MARK3: variants seen among roughly 807,000 people sequenced by gnomAD.
MARK3 encodes microtubule affinity regulating kinase 3.
A neutral mutation model predicts 90.1 loss-of-function variants in MARK3; 46 were observed. The ratio of observed to expected loss-of-function variants is 0.51; its 90% CI spans 0.40 to 0.65. The LOEUF (loss-of-function observed/expected upper bound fraction) is 0.65, where lower values mean the gene tolerates loss of function less well. Ranked by LOEUF, MARK3 falls within the 30% of genes least tolerant of loss-of-function variation. MARK3 has a pLI of 0.00. For missense variants in MARK3, 818 were observed against 947.2 expected, an observed-to-expected ratio of 0.86 and a Z score of 1.79; for synonymous variants, 321 against 332.6, an observed-to-expected ratio of 0.97 and a Z score of 0.38.
intron 13 of MARK3, among the ~76,000 whole-genome samples, chr14:103,478,549 T>C (rs1313183053): frequency 1.4e-5 from 2 of 142,274 alleles, no homozygotes; most frequent in Non-Finnish European, 3.1e-5. Flanking sequence ...TTCTTTTCCC[T>C]TTTTTTTTTT....
rs1424161298 is a variant in MARK3 at position 103,426,893 on chromosome 14, A to T, written c.244-1494A>T. 6.2e-3 allele frequency among the ~76,000 whole-genome samples: 5 copies of T among 808 alleles called. No homozygotes were observed. In the East Asian group the frequency reaches 0.4, roughly 65 times the overall value. The allele number at this position is 808 out of a possible 152,430, so 0.5% of individuals were successfully genotyped here. A position where few individuals can be genotyped will look rare whatever the true frequency, so the allele number is the denominator to read the frequency against. ...ACTGCCCAAAGGGCTTTTCTATTTA[A>T]AAAAAAAAAAAAAAAATTTTTAAAG... On this transcript the variant is annotated intron_variant, in intron 2 of 17. Transcript: ENST00000429436.
intron 3 of MARK3, among the ~76,000 whole-genome samples, chr14:103,445,392 A>G (rs1005006218): frequency 1.3e-5 from 2 of 152,210 alleles, no homozygotes; most frequent in Middle Eastern, 3.2e-3. Flanking sequence ...AACTTAGCAT[A>G]AAGCTTATTT....
Position 103,413,029 on chromosome 14 carries a change from C to T in MARK3, c.243+7762C>T, listed in dbSNP as rs1240954722. Among the ~76,000 whole-genome samples, 91 of 151,950 alleles carry T rather than the reference C, an allele frequency of 6.0e-4. 1 individual carries two copies. Among genetic ancestry groups the T allele is most frequent in the Admixed American group, 6.0e-3 (91 of 15,258 alleles). On this transcript the variant is annotated intron_variant, in intron 2 of 17. Transcript: ENST00000429436. ...AGCTGGGATTACAGGCATGCACCAC[C>T]ATGCCCGGCTAATTTTTGTATTTTT...
intron 2 of MARK3, among the ~76,000 whole-genome samples, chr14:103,411,951 C>CTT (rs56292310): frequency 0.27 from 38,433 of 143,002 alleles, 6,097 homozygotes; most frequent in Non-Finnish European, 0.34. Context: ...ATTTTCATAG[C>CTT]TTTTTTTTTT....
chr14:103,409,984 A>G (rs986728037), intron 2 of MARK3, among the ~76,000 whole-genome samples: 4 of 152,224 alleles, frequency 2.6e-5, no homozygotes, highest in Admixed American at 6.5e-5. Flanking sequence ...TTGACATTGT[A>G]ATAGATACTA....
intron 5 of MARK3, among the ~76,000 whole-genome samples, chr14:103,452,954 T>C (rs2093189367): frequency 6.6e-6 from 1 of 152,242 alleles, no homozygotes; most frequent in Non-Finnish European, 1.5e-5. Context: ...ATATGAATGC[T>C]TAGTCTGTTT....
chr14:103,463,578 T>C (rs1353129410), intron 7 of MARK3, among the ~76,000 whole-genome samples: 2 of 152,212 alleles, frequency 1.3e-5, no homozygotes, highest in Admixed American at 1.3e-4. Flanking sequence ...CACCAGGTCC[T>C]TTTGCTGCTG....
Position 103,465,662 on chromosome 14 carries a change from C to G in MARK3, c.646C>G (p.Pro216Ala), listed in dbSNP as rs543788501. 1.9e-6 allele frequency: 3 copies of G among 1,614,012 alleles called. No homozygotes were observed. The Admixed American group carries it at 5.0e-5, about 27-fold the overall frequency. Residue 216 changes from proline to alanine, a missense_variant, in exon 8 of 18, where the codon CCT becomes GCT. Pro to Ala is a conservative substitution (Grantham distance 27). Around this residue, in one of 3 missense-constraint regions of MARK3, gnomAD observed 101 missense variants for 175.1 expected, o/e 0.58. Transcript: ENST00000429436. Reference protein sequence around the residue: ...GGKLDTFCGSPPYAAPELFQG... With the variant: ...GGKLDTFCGSAPYAAPELFQG... ...TAAACTCGACACGTTTTGTGGCAGTCCTCCATACGCAGCACCTGAGCTCTT... is the reference window on the plus strand; with the variant it reads ...TAAACTCGACACGTTTTGTGGCAGTGCTCCATACGCAGCACCTGAGCTCTT...
chr14:103,402,345 G>A (rs542011966), intron 1 of MARK3, among the ~76,000 whole-genome samples: 2 of 152,164 alleles, frequency 1.3e-5, no homozygotes, highest in African/African-American at 4.8e-5. Context: ...TTAAGGTCAG[G>A]AGTTCGAGAC....
chr14:103,386,572 AC>A (rs2140408002), intron 1 of MARK3, among the ~76,000 whole-genome samples: 1 of 152,314 alleles, frequency 6.6e-6, no homozygotes, highest in African/African-American at 2.4e-5. Flanking sequence ...AAATTTAATC[AC>A]AGTCACTAAG....
intron 3 of MARK3, among the ~76,000 whole-genome samples, chr14:103,433,837 C>G (rs74084549): frequency 1.9e-3 from 283 of 152,258 alleles, no homozygotes; most frequent in African/African-American, 6.6e-3. Flanking sequence ...AACCTGGTTT[C>G]CTGGGGCCTA....
At chr14:103,448,319 A>G (rs1218097904) in intron 3 of MARK3, among the ~76,000 whole-genome samples, 1 of 152,164 alleles carries the variant, frequency 6.6e-6, no homozygotes, top group African/African-American at 2.4e-5. Context: ...TTACATGGCC[A>G]GGTCTAATGT....
At chr14:103,467,567 T>G (rs2093532857) in intron 11 of MARK3, 1 of 156,236 alleles carries the variant, frequency 6.4e-6, no homozygotes, top group Non-Finnish European at 1.4e-5. Flanking sequence ...CCCTGCTCCT[T>G]GGGAGGCTGA....
At chr14:103,445,847 C>T (rs2092981060) in intron 3 of MARK3, among the ~76,000 whole-genome samples, 1 of 152,180 alleles carries the variant, frequency 6.6e-6, no homozygotes, top group African/African-American at 2.4e-5. Context: ...CCCCTGTCAT[C>T]AGAACTGTGA....
At chr14:103,414,644 T>C (rs1326123608) in intron 2 of MARK3, among the ~76,000 whole-genome samples, 1 of 152,218 alleles carries the variant, frequency 6.6e-6, no homozygotes, top group African/African-American at 2.4e-5. Context: ...GTGGCATTGA[T>C]GATTTGGGGA....
At chr14:103,430,551 G>A (rs956936538) in intron 3 of MARK3, among the ~76,000 whole-genome samples, 46 of 152,256 alleles carry the variant, frequency 3.0e-4, no homozygotes, top group African/African-American at 1.1e-3. Context: ...GCATGCCCTA[G>A]CAGCTAACAT....
At chr14:103,487,659 A>G (rs1566932244) in intron 14 of MARK3, among the ~76,000 whole-genome samples, 1 of 152,204 alleles carries the variant, frequency 6.6e-6, no homozygotes, top group Non-Finnish European at 1.5e-5. Context: ...GCAAGAAAAA[A>G]GTCAACAACT....
chr14:103,459,062 G>A (rs2093341528), intron 6 of MARK3, among the ~76,000 whole-genome samples: 1 of 152,194 alleles, frequency 6.6e-6, no homozygotes. Flanking sequence ...AAAAAAGTGT[G>A]TGGCTCTTTC....
intron 2 of MARK3, among the ~76,000 whole-genome samples, chr14:103,426,678 C>CA (rs2092414253): frequency 6.6e-6 from 1 of 152,144 alleles, no homozygotes; most frequent in African/African-American, 2.4e-5. Flanking sequence ...TTTTACGTGA[C>CA]AGTGATGAGC....
Sources: gnomAD v4.1 joint callset for allele counts (sites outside exome capture counted in the v4.1 genomes callset) on GRCh38, gnomAD v4.1.1 for gene constraint, gnomAD v4.1.1 regional missense constraint, MANE v1.5 for transcripts, NCBI Gene and HGNC (gene_info 2026-07-23, HGNC 2026-07-21) for gene names.